The following AGBL1 variants were observed in gnomAD, a reference collection of about 807,000 sequenced individuals.
AGBL1 encodes cytosolic carboxypeptidase 4.
In AGBL1, 130 loss-of-function variants were observed where a neutral mutation model predicts 118.9. The observed-to-expected ratio is 1.09, with a 90% CI of 0.95 to 1.26. AGBL1 has a LOEUF of 1.26. AGBL1 is among the 50% of genes most tolerant of loss of function. The pLI is 0.00. For missense variants in AGBL1, 1,584 were observed against 1,298.1 expected (o/e 1.22, Z -3.38); for synonymous variants, 555 against 478.9 (o/e 1.16, Z -2.08).
At chr15:86,974,564 A>G (rs901823256) in intron 23 of AGBL1, among the ~76,000 whole-genome samples, 1 of 135,722 alleles carries the variant, frequency 7.4e-6, no homozygotes, top group Non-Finnish European at 1.6e-5. Flanking sequence ...TATAATATAA[A>G]TTATATATAT....
At position 86,239,126 on chromosome 15, in the gene AGBL1, AT is replaced by A. The variant is rs569444760; in HGVS notation, c.527-8542del. 2.6e-3 allele frequency among the ~76,000 whole-genome samples: 403 copies of A among 152,328 alleles called. 5 individuals are homozygous for A. The highest frequency in any genetic ancestry group is 2.7e-3 in the Non-Finnish European group (183 of 68,026). On this transcript the variant is annotated intron_variant, in intron 6 of 22. Transcript: ENST00000614907. ...GGCAAGTTATTAGAAGGAGTTGAGG[AT>A]TTATAAAAAGATAGATTCATCTAGA...
chr15:86,586,081 C>T (rs949160452), intron 21 of AGBL1, among the ~76,000 whole-genome samples: 2 of 152,176 alleles, frequency 1.3e-5, no homozygotes, highest in African/African-American at 4.8e-5. Flanking sequence ...GATTCAGCTT[C>T]ACAGGCAAGA....
At chr15:86,154,846 T>C (rs1344613641) in intron 4 of AGBL1, among the ~76,000 whole-genome samples, 1 of 151,434 alleles carries the variant, frequency 6.6e-6, no homozygotes, top group Admixed American at 6.6e-5. Flanking sequence ...GGCTTTTCTA[T>C]TCGTACTACA....
intron 24 of AGBL1, among the ~76,000 whole-genome samples, chr15:86,989,595 G>A (rs1167148992): frequency 6.6e-6 from 1 of 152,136 alleles, no homozygotes; most frequent in Non-Finnish European, 1.5e-5. Context: ...AGTGCTGGGT[G>A]TTCTGTTAGC....
intron 18 of AGBL1, among the ~76,000 whole-genome samples, chr15:86,406,369 T>C (rs771472587): frequency 3.3e-5 from 5 of 152,204 alleles, no homozygotes; most frequent in Non-Finnish European, 7.3e-5. Flanking sequence ...CGTAGTATGG[T>C]TCTTAGCACC....
intron 5 of AGBL1, among the ~76,000 whole-genome samples, chr15:86,220,022 G>A (rs889978719): frequency 2.9e-5 from 4 of 137,478 alleles, no homozygotes; most frequent in East Asian, 2.3e-4. Context: ...CACAATCTTG[G>A]TTCACTGCAA....
At chr15:86,596,600 T>A (rs2084408517) in intron 21 of AGBL1, among the ~76,000 whole-genome samples, 1 of 152,160 alleles carries the variant, frequency 6.6e-6, no homozygotes, top group Admixed American at 6.6e-5. Flanking sequence ...TCTCTTTTTT[T>A]TTCCCCAGAG....
chr15:86,529,945 G>C (rs868660862), intron 19 of AGBL1, among the ~76,000 whole-genome samples: 12 of 134,930 alleles, frequency 8.9e-5, no homozygotes, highest in Non-Finnish European at 1.9e-4. Flanking sequence ...CCCTAAAAGA[G>C]CTCCTGAAGG....
chr15:86,219,855 C>A (rs1027547474), intron 5 of AGBL1, among the ~76,000 whole-genome samples: 3 of 147,788 alleles, frequency 2.0e-5, no homozygotes, highest in Admixed American at 6.8e-5. Flanking sequence ...ATTTTAGATT[C>A]TTTCTAGAAT....
At chr15:86,887,242 T>C (rs911657324) in intron 22 of AGBL1, among the ~76,000 whole-genome samples, 1 of 152,244 alleles carries the variant, frequency 6.6e-6, no homozygotes, top group Non-Finnish European at 1.5e-5. Flanking sequence ...TATGCATATA[T>C]CTATTTATGT....
At chr15:86,620,379 C>T (rs2084786531) in intron 21 of AGBL1, among the ~76,000 whole-genome samples, 1 of 152,156 alleles carries the variant, frequency 6.6e-6, no homozygotes, top group African/African-American at 2.4e-5. Flanking sequence ...AAGCAATAAA[C>T]TTCACGCTGT....
intron 16 of AGBL1, among the ~76,000 whole-genome samples, chr15:86,282,875 A>G (rs984022918): frequency 2.0e-5 from 3 of 152,212 alleles, no homozygotes; most frequent in Admixed American, 1.3e-4. Flanking sequence ...TATGGATTAC[A>G]TTTAGTAATT....
chr15:86,880,082 G>C (rs1012073325), intron 22 of AGBL1, among the ~76,000 whole-genome samples: 9 of 152,232 alleles, frequency 5.9e-5, no homozygotes, highest in Admixed American at 5.2e-4. Context: ...AACAGTGCCT[G>C]TCAGAGAAGA....
intron 22 of AGBL1, among the ~76,000 whole-genome samples, chr15:86,748,362 G>GTGGATTC (rs2077789760): frequency 6.6e-6 from 1 of 151,788 alleles, no homozygotes; most frequent in Non-Finnish European, 1.5e-5. Context: ...TCAGTTCTTT[G>GTGGATTC]TGGATTCTGG....
At chr15:86,206,830 C>T (rs2078001434) in intron 5 of AGBL1, among the ~76,000 whole-genome samples, 1 of 152,134 alleles carries the variant, frequency 6.6e-6, no homozygotes. Flanking sequence ...TCCCATGTGT[C>T]TATTTTGGCA....
At chr15:86,487,290 A>G (rs1343501461) in intron 18 of AGBL1, among the ~76,000 whole-genome samples, 1 of 152,090 alleles carries the variant, frequency 6.6e-6, no homozygotes, top group Non-Finnish European at 1.5e-5. Flanking sequence ...CTTTGCTTGA[A>G]AAAGGAGCTT....
intron 22 of AGBL1, among the ~76,000 whole-genome samples, chr15:86,714,856 T>G (rs1355075249): frequency 6.6e-6 from 1 of 152,174 alleles, no homozygotes; most frequent in Non-Finnish European, 1.5e-5. Context: ...ATCCCTCCTA[T>G]TTGGAGCTTC....
chr15:86,876,378 G>T (rs1345644557), intron 22 of AGBL1, among the ~76,000 whole-genome samples: 1 of 152,132 alleles, frequency 6.6e-6, no homozygotes, highest in Non-Finnish European at 1.5e-5. Context: ...CCGATGGAGG[G>T]CATTCAGAAT....
chr15:86,103,316 T>C (rs1382523553), intron 1 of AGBL1, among the ~76,000 whole-genome samples: 3 of 152,230 alleles, frequency 2.0e-5, no homozygotes, highest in Non-Finnish European at 2.9e-5. Context: ...TTAATATCAA[T>C]ATGTTGAATT....
Sources: allele counts gnomAD v4.1 joint callset (sites outside exome capture counted in the v4.1 genomes callset), GRCh38; gene constraint gnomAD v4.1.1; transcripts MANE v1.5; gene names NCBI Gene and HGNC (gene_info 2026-07-23, HGNC 2026-07-21).